SDK1: variants seen among roughly 807,000 people sequenced by gnomAD.
SDK1 encodes protein sidekick-1.
Under a neutral mutation model 245.5 loss-of-function variants are expected in SDK1, and 157 were observed. The observed-to-expected ratio is 0.64, with a 90% confidence interval of 0.56 to 0.73. The LOEUF (loss-of-function observed/expected upper bound fraction) is 0.73, where lower values mean the gene tolerates loss of function less well. Ranked by LOEUF, SDK1 falls within the 30% of genes least tolerant of loss-of-function variation. The pLI is 0.00. For missense variants in SDK1, 3,583 were observed against 3,002.3 expected (o/e 1.19, Z -4.52); for synonymous variants, 1,647 against 1,278.5 (o/e 1.29, Z -6.15).
At chr7:3,904,617 C>T (rs1036484372) in intron 5 of SDK1, among the ~76,000 whole-genome samples, 2 of 152,010 alleles carry the variant, frequency 1.3e-5, no homozygotes, top group Non-Finnish European at 2.9e-5. Context: ...TGGCTTCAGC[C>T]CGGAAGATCA....
chr7:3,468,928 C>A (rs1258221903), intron 1 of SDK1, among the ~76,000 whole-genome samples: 2 of 152,108 alleles, frequency 1.3e-5, no homozygotes. Context: ...GTAGGTTTCC[C>A]TTGACTCCTA....
At position 4,083,897 on chromosome 7, in the gene SDK1, G is replaced by A. The variant is rs74990019; in HGVS notation, c.3324+4313G>A. Among the ~76,000 whole-genome samples the A allele has an allele frequency of 4.5e-3, 675 of 151,408 alleles. 4 individuals are homozygous for A. The highest frequency in any genetic ancestry group is 0.016 in the African/African-American group (640 of 41,180). On this transcript the variant is annotated intron_variant, in intron 22 of 44. Coordinates refer to ENST00000404826, the MANE Select transcript of SDK1 (RefSeq NM_152744.4). ...TCCCTGTTACTACAGCAGGGTGGGGGCACGTAGGTCTAGTCGCCCCACTCA... is the reference window on the plus strand; with the variant it reads ...TCCCTGTTACTACAGCAGGGTGGGGACACGTAGGTCTAGTCGCCCCACTCA...
intron 5 of SDK1, among the ~76,000 whole-genome samples, chr7:3,940,098 A>G (rs1413566055): frequency 6.6e-6 from 1 of 151,670 alleles, no homozygotes; most frequent in Non-Finnish European, 1.5e-5. Flanking sequence ...GACCTACAGA[A>G]CTTCTCATTG....
intron 1 of SDK1, among the ~76,000 whole-genome samples, chr7:3,445,755 G>A (rs1250837759): frequency 6.6e-6 from 1 of 152,008 alleles, no homozygotes; most frequent in Non-Finnish European, 1.5e-5. Context: ...AATCACATTA[G>A]ACAATATTAT....
intron 1 of SDK1, among the ~76,000 whole-genome samples, chr7:3,594,301 G>A (rs1406134804): frequency 1.3e-5 from 2 of 152,100 alleles, no homozygotes; most frequent in African/African-American, 2.4e-5. Flanking sequence ...CCTTTTTATT[G>A]CAGATTAATA....
At chr7:3,336,569 G>A (rs1185937097) in intron 1 of SDK1, among the ~76,000 whole-genome samples, 3 of 152,122 alleles carry the variant, frequency 2.0e-5, no homozygotes, top group African/African-American at 7.2e-5. Context: ...TGGCAAATGA[G>A]GTATGGAGGA....
intron 1 of SDK1, among the ~76,000 whole-genome samples, chr7:3,489,661 C>G (rs894221595): frequency 1.3e-5 from 2 of 152,078 alleles, no homozygotes; most frequent in Non-Finnish European, 2.9e-5. Flanking sequence ...TTATTTTTTT[C>G]TGCATATTTG....
intron 19 of SDK1, among the ~76,000 whole-genome samples, chr7:4,052,952 T>C (rs1322660599): frequency 6.6e-6 from 1 of 151,860 alleles, no homozygotes. Flanking sequence ...CTGGGTGTGG[T>C]GGCAGGCGCC....
chr7:3,632,179 A>G (rs1782315087), intron 2 of SDK1, among the ~76,000 whole-genome samples: 1 of 152,224 alleles, frequency 6.6e-6, no homozygotes, highest in Non-Finnish European at 1.5e-5. Flanking sequence ...AGAGCAATTA[A>G]TGCTCACAGT....
At chr7:4,153,779 A>G (rs1374763164) in intron 30 of SDK1, among the ~76,000 whole-genome samples, 1 of 152,028 alleles carries the variant, frequency 6.6e-6, no homozygotes, top group East Asian at 1.9e-4. Flanking sequence ...TGGGCTCAAG[A>G]TACCATCCTG....
intron 30 of SDK1, among the ~76,000 whole-genome samples, chr7:4,158,023 A>G (rs1274067583): frequency 1.4e-4 from 21 of 152,122 alleles, no homozygotes; most frequent in Non-Finnish European, 2.9e-5. Flanking sequence ...CTTCCTGAGG[A>G]CTTCTCTGGA....
chr7:3,655,950 G>T (rs567144139), intron 4 of SDK1, among the ~76,000 whole-genome samples: 3 of 152,106 alleles, frequency 2.0e-5, no homozygotes, highest in Non-Finnish European at 4.4e-5. Context: ...GATTGGGTGC[G>T]TTTATTTGAT....
intron 1 of SDK1, among the ~76,000 whole-genome samples, chr7:3,332,571 C>A (rs929623672): frequency 2.6e-5 from 4 of 152,054 alleles, no homozygotes; most frequent in Non-Finnish European, 4.4e-5. Context: ...CTTTTATTGC[C>A]ATTTATAATA....
chr7:3,671,669 C>G (rs1033840127), intron 4 of SDK1, among the ~76,000 whole-genome samples: 1 of 152,148 alleles, frequency 6.6e-6, no homozygotes, highest in African/African-American at 2.4e-5. Flanking sequence ...GTTAACTAAT[C>G]AAACACTTTT....
intron 4 of SDK1, among the ~76,000 whole-genome samples, chr7:3,677,193 G>T (rs924887737): frequency 4.6e-5 from 7 of 152,120 alleles, no homozygotes. Context: ...TGTGTGCGAA[G>T]GGGTATGTGT....
At chr7:4,022,616 G>T (rs889023393) in intron 17 of SDK1, among the ~76,000 whole-genome samples, 5 of 152,064 alleles carry the variant, frequency 3.3e-5, no homozygotes, top group African/African-American at 4.8e-5. Flanking sequence ...TGCAGGGGGA[G>T]GTAGCAGCTC....
chr7:3,961,985 GCA>G (rs1247668779), intron 8 of SDK1, among the ~76,000 whole-genome samples: 1 of 150,504 alleles, frequency 6.6e-6, no homozygotes, highest in Non-Finnish European at 1.5e-5. Flanking sequence ...GCACATATAT[GCA>G]CAAACACACA....
chr7:3,333,581 C>T (rs1780123834), intron 1 of SDK1, among the ~76,000 whole-genome samples: 2 of 152,128 alleles, frequency 1.3e-5, no homozygotes, highest in African/African-American at 4.8e-5. Flanking sequence ...TACATCAGAA[C>T]CCTGAACTGG....
chr7:3,736,133 G>C (rs73304218), intron 4 of SDK1, among the ~76,000 whole-genome samples: 2 of 151,894 alleles, frequency 1.3e-5, no homozygotes, highest in Admixed American at 6.6e-5. Flanking sequence ...TTCTTATTCC[G>C]TAGGTTGCAT....
Sources: allele counts gnomAD v4.1 joint callset (sites outside exome capture counted in the v4.1 genomes callset), GRCh38; gene constraint gnomAD v4.1.1; transcripts MANE v1.5; gene names NCBI Gene and HGNC (gene_info 2026-07-23, HGNC 2026-07-21).